Variants in FILIP1L observed in about 807,000 individuals in gnomAD.
FILIP1L encodes filamin A interacting protein 1 like.
A neutral mutation model predicts 96.6 loss-of-function variants in FILIP1L; 55 were observed. The observed-to-expected ratio is 0.57, with a 90% CI of 0.46 to 0.71. The LOEUF (loss-of-function observed/expected upper bound fraction) is 0.71. FILIP1L is among the 30% of genes least tolerant of loss of function. FILIP1L has a pLI of 0.00. For synonymous variants in FILIP1L, 467 were observed against 473.9 expected (o/e 0.99, Z 0.19); for missense variants, 1,304 against 1,321.2 (o/e 0.99, Z 0.20).
chr3:99,908,231 C>G (rs1025327099), intron 4 of FILIP1L, among the ~76,000 whole-genome samples: 4 of 152,134 alleles, frequency 2.6e-5, no homozygotes, highest in African/African-American at 9.7e-5. Flanking sequence ...CTAATTTGAC[C>G]TTTTAGCAAA....
chr3:99,867,327 T>C (rs1339857918), intron 4 of FILIP1L, among the ~76,000 whole-genome samples: 1 of 152,194 alleles, frequency 6.6e-6, no homozygotes, highest in African/African-American at 2.4e-5. Flanking sequence ...TATGTGCTAT[T>C]TGAATACCAT....
At chr3:100,019,159 A>G (rs1329220342) in intron 1 of FILIP1L, among the ~76,000 whole-genome samples, 1 of 152,206 alleles carries the variant, frequency 6.6e-6, no homozygotes, top group Non-Finnish European at 1.5e-5. Flanking sequence ...CTTATTATCC[A>G]TCAATTCCAT....
chr3:100,038,750 C>G (rs183262096), intron 1 of FILIP1L, among the ~76,000 whole-genome samples: 7 of 152,180 alleles, frequency 4.6e-5, no homozygotes, highest in Admixed American at 6.5e-5. Flanking sequence ...ATCCTCCCAC[C>G]TCAGCCTCCC....
intron 4 of FILIP1L, among the ~76,000 whole-genome samples, chr3:99,912,341 GT>G (rs1431268649): frequency 6.6e-6 from 1 of 152,140 alleles, no homozygotes; most frequent in East Asian, 1.9e-4. Flanking sequence ...AGCGGCTGTA[GT>G]GTCACTGCTT....
intron 1 of FILIP1L, among the ~76,000 whole-genome samples, chr3:100,104,544 C>G (rs1283295548): frequency 6.6e-6 from 1 of 152,132 alleles, no homozygotes; most frequent in Non-Finnish European, 1.5e-5. Context: ...GGCCTGTGTT[C>G]CCAAGACCCA....
At chr3:99,935,383 C>G (rs548796925) in intron 1 of FILIP1L, among the ~76,000 whole-genome samples, 70 of 152,148 alleles carry the variant, frequency 4.6e-4, no homozygotes, top group African/African-American at 1.6e-3. Flanking sequence ...GCTTAGTTGT[C>G]AGTTTAACAC....
chr3:99,924,481 T>A, intron 3 of FILIP1L, 73 bp from the exon 4 acceptor site: 1 of 1,424,994 alleles, frequency 7.0e-7, no homozygotes, highest in Non-Finnish European at 9.7e-7. Context: ...TTTAGAAATG[T>A]CCCTGTTTTG....
rs555226778 is a variant in FILIP1L at position 99,903,274 on chromosome 3, C to T, written c.605+20956G>A. Among the ~76,000 whole-genome samples, 1,417 of 150,002 alleles carry T rather than the reference C, an allele frequency of 9.4e-3. 25 individuals carry two copies. Among genetic ancestry groups the T allele is most frequent in the Admixed American group, 0.044 (669 of 15,074 alleles). The stretch of plus-strand genomic sequence containing the variant: ...CATATGCATGTTTTTTTTTTTGAGA[C>T]GGAATCTCGCTCTGTCACCCAGGCT... On this transcript the variant is annotated intron_variant, in intron 4 of 5. Coordinates refer to ENST00000477258, the MANE Select transcript of FILIP1L (RefSeq NM_001387850.1).
At chr3:100,024,112 T>C (rs2064876362) in intron 1 of FILIP1L, among the ~76,000 whole-genome samples, 1 of 152,150 alleles carries the variant, frequency 6.6e-6, no homozygotes, top group African/African-American at 2.4e-5. Flanking sequence ...CACTCCGTCT[T>C]CAGCTCCTTC....
intron 1 of FILIP1L, among the ~76,000 whole-genome samples, chr3:99,997,843 A>T (rs972070683): frequency 6.6e-6 from 1 of 152,240 alleles, no homozygotes; most frequent in Non-Finnish European, 1.5e-5. Context: ...CACATAAGTC[A>T]TGCTCTTATT....
chr3:100,074,050 A>G (rs969949180), intron 1 of FILIP1L, among the ~76,000 whole-genome samples: 1 of 152,096 alleles, frequency 6.6e-6, no homozygotes, highest in Non-Finnish European at 1.5e-5. Context: ...CTGCGGGAAA[A>G]GGTTTGTGGG....
intron 1 of FILIP1L, among the ~76,000 whole-genome samples, chr3:99,948,580 A>G (rs1303640713): frequency 6.9e-6 from 1 of 145,064 alleles, no homozygotes; most frequent in Non-Finnish European, 1.5e-5. Context: ...GAAGGAGAAG[A>G]AAGGAGGGAG....
chr3:99,891,061 GT>G (rs369861338), intron 4 of FILIP1L, among the ~76,000 whole-genome samples: 1,754 of 142,008 alleles, frequency 0.012, 19 homozygotes, highest in African/African-American at 0.028. Flanking sequence ...TTTTGTTTTT[GT>G]TTTTTTTTCA....
intron 1 of FILIP1L, among the ~76,000 whole-genome samples, chr3:100,091,822 C>T (rs1181341887): frequency 6.6e-6 from 1 of 152,190 alleles, no homozygotes; most frequent in African/African-American, 2.4e-5. Flanking sequence ...CGTCTCCTCT[C>T]GTGATTCACA....
chr3:99,970,458 A>G (rs1444388002), intron 1 of FILIP1L, among the ~76,000 whole-genome samples: 1 of 152,254 alleles, frequency 6.6e-6, no homozygotes, highest in African/African-American at 2.4e-5. Flanking sequence ...TCATTCTCAC[A>G]TACTCTGTGC....
chr3:99,914,463 A>G (rs911117435), intron 4 of FILIP1L, among the ~76,000 whole-genome samples: 8 of 152,190 alleles, frequency 5.3e-5, no homozygotes, highest in African/African-American at 1.7e-4. Context: ...ACACATCTCT[A>G]AACAAAGCCC....
chr3:100,048,882 C>T (rs2065322823), intron 1 of FILIP1L, among the ~76,000 whole-genome samples: 1 of 152,110 alleles, frequency 6.6e-6, no homozygotes, highest in Non-Finnish European at 1.5e-5. Flanking sequence ...ATATGATGGC[C>T]TAGACTGATT....
intron 1 of FILIP1L, among the ~76,000 whole-genome samples, chr3:100,096,009 G>T (rs1457689074): frequency 1.5e-4 from 23 of 152,036 alleles, no homozygotes; most frequent in Admixed American, 1.5e-3. Context: ...TGACAAACAG[G>T]CATATGAAAA....
intron 1 of FILIP1L, among the ~76,000 whole-genome samples, chr3:99,939,661 G>T (rs942537650): frequency 2.6e-5 from 4 of 152,150 alleles, no homozygotes; most frequent in African/African-American, 9.7e-5. Context: ...TTTAAGTATG[G>T]ATCCAAAAAT....
Sources: gnomAD v4.1 joint callset for allele counts (sites outside exome capture counted in the v4.1 genomes callset) on GRCh38, gnomAD v4.1.1 for gene constraint, MANE v1.5 for transcripts, NCBI Gene and HGNC (gene_info 2026-07-23, HGNC 2026-07-21) for gene names.